SVIL: variants seen among roughly 807,000 people sequenced by gnomAD.
SVIL encodes the protein archvillin.
A neutral mutation model predicts 240.4 loss-of-function variants in SVIL; 101 were observed. The ratio of observed to expected loss-of-function variants is 0.42; its 90% CI spans 0.36 to 0.50. SVIL has a LOEUF of 0.50. Ranked by LOEUF, SVIL falls within the 20% of genes least tolerant of loss-of-function variation. The probability of loss-of-function intolerance (pLI) is 0.01; values close to 1 mark genes in which losing one functional copy is unlikely to be tolerated. For missense variants in SVIL, 2,512 were observed against 2,818.7 expected, an observed-to-expected ratio of 0.89 and a Z score of 2.46; for synonymous variants, 999 against 1,100.0, an observed-to-expected ratio of 0.91 and a Z score of 1.82.
intron 1 of SVIL, among the ~76,000 whole-genome samples, chr10:29,689,081 C>A (rs1736365936): frequency 1.3e-5 from 2 of 152,166 alleles, no homozygotes; most frequent in African/African-American, 4.8e-5. Flanking sequence ...AGGAATTATG[C>A]AAACAGTGAT....
At chr10:29,531,311 A>G (rs943111063) in intron 9 of SVIL, 23 bp from the exon 10 acceptor site, 1 of 1,609,448 alleles carries the variant, frequency 6.2e-7, no homozygotes, top group Non-Finnish European at 8.5e-7. Context: ...TTAGCAAATA[A>G]CAATAATACA....
At chr10:29,554,539 A>C (rs942186652) in intron 5 of SVIL, among the ~76,000 whole-genome samples, 12 of 152,032 alleles carry the variant, frequency 7.9e-5, no homozygotes, top group Admixed American at 6.5e-4. Context: ...TAGTCCCAGC[A>C]ACTCAGGAGG....
chr10:29,587,399 G>C lies in SVIL; in HGVS notation c.-200-18087C>G, dbSNP rs570467027. ...CTAATAAGGCAATCTGCAGGTTGAC[G>C]GGTGGCTTACAGGTCACCACTGCAC... On this transcript the variant is annotated intron_variant, in intron 1 of 37. Transcript: ENST00000355867. Among the ~76,000 whole-genome samples the C allele has an allele frequency of 1.7e-3, 264 of 151,486 alleles. 1 individual carries two copies. The highest frequency in any genetic ancestry group is 3.4e-3 in the Middle Eastern group (1 of 294).
At chr10:29,579,892 G>A (rs997324012) in intron 1 of SVIL, among the ~76,000 whole-genome samples, 16 of 151,958 alleles carry the variant, frequency 1.1e-4, no homozygotes, top group African/African-American at 1.7e-4. Flanking sequence ...ACTGGGGGGC[G>A]GATGCAAGGC....
chr10:29,530,741 G>A (rs971827133), intron 10 of SVIL, 73 bp from the exon 11 acceptor site: 13 of 1,540,100 alleles, frequency 8.4e-6, no homozygotes, highest in East Asian at 6.7e-5. Context: ...AAGTCTTTCA[G>A]GGCTGACCTG....
At chr10:29,683,705 C>T (rs997058131) in intron 2 of SVIL, among the ~76,000 whole-genome samples, 4 of 152,184 alleles carry the variant, frequency 2.6e-5, no homozygotes, top group Non-Finnish European at 5.9e-5. Context: ...TCTTCTCCCT[C>T]GGGCAGATTT....
chr10:29,458,598 G>T lies in SVIL; in HGVS notation c.6403-9C>A, dbSNP rs778191266. ...TTGGAAACTTCCGTGTCCTAGAGAA[G>T]AGGAGGGGGCAGAGAGGAGAGCTCG... is the stretch of plus-strand genomic sequence containing the variant. On this transcript the variant is annotated splice_polypyrimidine_tract_variant and intron_variant, in intron 36 of 37. Coordinates refer to ENST00000355867, the MANE Select transcript of SVIL (RefSeq NM_021738.3). 1 of 1,611,886 alleles carries T rather than the reference G, an allele frequency of 6.2e-7. No individual in the cohort carries two copies.
chr10:29,720,070 T>A (rs548735910), intron 1 of SVIL, among the ~76,000 whole-genome samples: 1 of 152,300 alleles, frequency 6.6e-6, no homozygotes, highest in African/African-American at 2.4e-5. Flanking sequence ...CAGCTGGGCG[T>A]GGTGGCATGT....
chr10:29,735,186 G>A lies in SVIL; in HGVS notation c.-400+565C>T, dbSNP rs1381290083. 6.6e-6 allele frequency among the ~76,000 whole-genome samples: 1 copy of A among 152,122 alleles called. No individual in the cohort carries two copies. The highest frequency in any genetic ancestry group is 1.9e-4 in the East Asian group (1 of 5,150). On this transcript the variant is annotated intron_variant, in intron 1 of 35. Coordinates refer to the SVIL transcript ENST00000375400. This position sits in a 1 kb window ranked among gnomAD's most constrained non-coding sequence, Gnocchi z 4.1. The stretch of plus-strand genomic sequence containing the variant: ...CGCAGAAACGTGGGCAGCTGGGGTG[G>A]CCTGGCGCACCACGCATCGGGTTCA...
At chr10:29,725,921 A>G (rs1964261413) in intron 1 of SVIL, among the ~76,000 whole-genome samples, 1 of 152,174 alleles carries the variant, frequency 6.6e-6, no homozygotes, top group Non-Finnish European at 1.5e-5. Context: ...CTTTTTTAAA[A>G]AATAAAAAAA....
At chr10:29,617,516 G>A (rs1248774696) in intron 1 of SVIL, among the ~76,000 whole-genome samples, 1 of 151,742 alleles carries the variant, frequency 6.6e-6, no homozygotes, top group African/African-American at 2.4e-5. Context: ...GGAAGGCAGA[G>A]GTTGCGGTGA....
chr10:29,501,051 A>G (rs989252218), intron 17 of SVIL, among the ~76,000 whole-genome samples: 3 of 152,116 alleles, frequency 2.0e-5, no homozygotes, highest in African/African-American at 7.2e-5. Context: ...CATCTAAGTG[A>G]TGAATCTGTC....
Position 29,538,378 on chromosome 10 carries a change from A to G in SVIL, c.828-2309T>C, listed in dbSNP as rs1444420514. On this transcript the variant is annotated intron_variant, in intron 6 of 37. Transcript: ENST00000355867. ...TGAAATATGAAACCAGCCAAAAACC[A>G]AAGGACTACCACCAGGGTGGTGAAT... 2.6e-5 allele frequency among the ~76,000 whole-genome samples: 4 copies of G among 152,246 alleles called. No individual in the cohort carries two copies. In the East Asian group the frequency reaches 5.8e-4, roughly 22 times the overall value.
chr10:29,526,606 G>A (rs368050938), intron 13 of SVIL, among the ~76,000 whole-genome samples: 5 of 151,998 alleles, frequency 3.3e-5, no homozygotes, highest in African/African-American at 1.2e-4. Context: ...CCTGGCCAAT[G>A]TCCCATTTTT....
intron 3 of SVIL, among the ~76,000 whole-genome samples, chr10:29,645,693 T>C (rs568008360): frequency 3.3e-5 from 5 of 152,226 alleles, no homozygotes; most frequent in Non-Finnish European, 7.4e-5. Flanking sequence ...AATCCTTTGA[T>C]CATGCCTCAA....
chr10:29,596,119 G>C (rs1157795410), intron 1 of SVIL, among the ~76,000 whole-genome samples: 1 of 152,228 alleles, frequency 6.6e-6, no homozygotes, highest in South Asian at 2.1e-4. Flanking sequence ...TCCTTCTTCA[G>C]GGAGAGCTGT....
At chr10:29,462,445 CCT>C in intron 35 of SVIL, 44 bp from the exon 36 acceptor site, 2 of 1,585,178 alleles carry the variant, frequency 1.3e-6, no homozygotes, top group Non-Finnish European at 1.7e-6. Flanking sequence ...CCAGGGAGAC[CCT>C]GTCTTTCTCT....
At chr10:29,478,327 A>G (rs2132341089) in intron 29 of SVIL, among the ~76,000 whole-genome samples, 1 of 152,360 alleles carries the variant, frequency 6.6e-6, no homozygotes, top group East Asian at 1.9e-4. Flanking sequence ...CAAGTTAAAA[A>G]CAGTAATTAC....
intron 2 of SVIL, among the ~76,000 whole-genome samples, chr10:29,667,379 C>T (rs578148933): frequency 5.9e-5 from 9 of 152,310 alleles, no homozygotes; most frequent in African/African-American, 2.2e-4. Flanking sequence ...TCCTGTGTGA[C>T]TCCATTTGCA....
Sources: allele counts gnomAD v4.1 joint callset (sites outside exome capture counted in the v4.1 genomes callset), GRCh38; gene constraint gnomAD v4.1.1; non-coding constraint Gnocchi (gnomAD v3.1); transcripts MANE v1.5; gene names NCBI Gene and HGNC (gene_info 2026-07-23, HGNC 2026-07-21).